CSMD1: variants seen among roughly 807,000 people sequenced by gnomAD.
The protein encoded by CSMD1 is CUB and Sushi multiple domains 1.
A neutral mutation model predicts 417.5 loss-of-function variants in CSMD1; 213 were observed. That is an observed-to-expected ratio of 0.51 (90% CI 0.46 to 0.57). The LOEUF (loss-of-function observed/expected upper bound fraction) is 0.57. Ranked by LOEUF, CSMD1 falls within the 20% of genes least tolerant of loss-of-function variation. CSMD1 has a pLI of 0.00. For missense variants in CSMD1, 6,923 were observed against 4,529.7 expected (o/e 1.53, Z -15.17); for synonymous variants, 2,862 against 1,736.8 (o/e 1.65, Z -16.11).
intron 3 of CSMD1, among the ~76,000 whole-genome samples, chr8:4,408,052 G>A (rs1274490797): frequency 6.6e-6 from 1 of 152,020 alleles, no homozygotes; most frequent in Non-Finnish European, 1.5e-5. Flanking sequence ...CCCAAATGTA[G>A]CTTTCCATTC....
rs751287479 is a variant in CSMD1 at position 4,279,794 on chromosome 8, GT to G, written c.415+140158del. On this transcript the variant is annotated intron_variant, in intron 3 of 69. Coordinates refer to ENST00000635120, the MANE Select transcript of CSMD1 (RefSeq NM_033225.6). ...GTAAGATATGGAGGAGGCCAGGAGT[GT>G]TGGATTATGTCTTTTTGATGATAAA... Among the ~76,000 whole-genome samples, 60 of 152,194 alleles carry G rather than the reference GT, an allele frequency of 3.9e-4. 1 individual carries two copies. Among genetic ancestry groups the G allele is most frequent in the Non-Finnish European group, 8.8e-5 (6 of 68,036 alleles).
intron 5 of CSMD1, among the ~76,000 whole-genome samples, chr8:3,822,922 CTGTT>C (rs1378398066): frequency 6.6e-6 from 1 of 152,074 alleles, no homozygotes; most frequent in East Asian, 1.9e-4. Flanking sequence ...TAAGTAAAGA[CTGTT>C]TGGTATTCTA....
intron 4 of CSMD1, among the ~76,000 whole-genome samples, chr8:4,028,866 T>C (rs979935517): frequency 2.0e-5 from 3 of 152,186 alleles, no homozygotes; most frequent in African/African-American, 7.2e-5. Flanking sequence ...AAAAGATAAA[T>C]TTTTCTTAGG....
At chr8:4,021,969 G>T (rs1363866749) in intron 4 of CSMD1, among the ~76,000 whole-genome samples, 1 of 151,810 alleles carries the variant, frequency 6.6e-6, no homozygotes. Flanking sequence ...TCAGTCAAGT[G>T]CTGCCTAGGA....
chr8:3,381,784 G>T (rs1010951103), intron 18 of CSMD1, among the ~76,000 whole-genome samples: 1 of 152,102 alleles, frequency 6.6e-6, no homozygotes, highest in African/African-American at 2.4e-5. Context: ...AAATCTCACT[G>T]CTCCCACGCT....
chr8:4,685,512 G>A (rs577808471), intron 1 of CSMD1, among the ~76,000 whole-genome samples: 7 of 152,024 alleles, frequency 4.6e-5, no homozygotes, highest in Admixed American at 3.3e-4. Context: ...GGAGGCGGAG[G>A]TTGCAGTGAG....
chr8:3,346,218 A>C (rs1416390249), intron 22 of CSMD1, among the ~76,000 whole-genome samples: 1 of 152,184 alleles, frequency 6.6e-6, no homozygotes, highest in Non-Finnish European at 1.5e-5. Context: ...TTTAAAAACA[A>C]CTTTTTGTTA....
intron 49 of CSMD1, among the ~76,000 whole-genome samples, chr8:3,080,535 C>T (rs986804296): frequency 2.6e-5 from 4 of 152,156 alleles, no homozygotes; most frequent in Admixed American, 6.5e-5. Flanking sequence ...GGTAGCGAAA[C>T]TTTTATTTGC....
intron 5 of CSMD1, among the ~76,000 whole-genome samples, chr8:3,935,965 T>C (rs1319566690): frequency 1.3e-5 from 2 of 152,184 alleles, no homozygotes; most frequent in African/African-American, 4.8e-5. Context: ...GGAAAAGTTC[T>C]TGAAATATAG....
intron 54 of CSMD1, among the ~76,000 whole-genome samples, chr8:2,991,191 C>G (rs1280261078): frequency 2.0e-5 from 3 of 152,164 alleles, no homozygotes; most frequent in Non-Finnish European, 4.4e-5. Flanking sequence ...TATGTAGAAA[C>G]TACATTAAGA....
chr8:4,431,115 A>T (rs947585432), intron 2 of CSMD1, among the ~76,000 whole-genome samples: 11 of 152,114 alleles, frequency 7.2e-5, no homozygotes, highest in Non-Finnish European at 5.9e-5. Flanking sequence ...AACAGACCAC[A>T]TGACTGTAGA....
At chr8:3,090,626 G>C (rs969516197) in intron 48 of CSMD1, among the ~76,000 whole-genome samples, 2 of 152,100 alleles carry the variant, frequency 1.3e-5, no homozygotes, top group African/African-American at 2.4e-5. Flanking sequence ...AGTCCCTAAA[G>C]ACGTAAAACA....
intron 5 of CSMD1, among the ~76,000 whole-genome samples, chr8:3,785,304 A>G (rs1204681625): frequency 6.6e-6 from 1 of 152,252 alleles, no homozygotes; most frequent in East Asian, 1.9e-4. Flanking sequence ...AAATGATGAA[A>G]CTTCAGGCTG....
intron 3 of CSMD1, among the ~76,000 whole-genome samples, chr8:4,070,427 G>A (rs972191802): frequency 5.3e-5 from 8 of 151,862 alleles, no homozygotes; most frequent in Admixed American, 2.6e-4. Flanking sequence ...GTGGGATCTC[G>A]GCTCACTGCA....
chr8:3,920,974 C>T (rs1283885557), intron 5 of CSMD1, among the ~76,000 whole-genome samples: 1 of 152,110 alleles, frequency 6.6e-6, no homozygotes, highest in Non-Finnish European at 1.5e-5. Context: ...GAGGGTACTG[C>T]TGGCCTCATA....
intron 3 of CSMD1, among the ~76,000 whole-genome samples, chr8:4,198,636 G>T (rs751197249): frequency 6.6e-6 from 1 of 152,112 alleles, no homozygotes; most frequent in Non-Finnish European, 1.5e-5. Context: ...GATGGATAAT[G>T]TCCCATTATC....
chr8:3,342,306 AT>A (rs1295624427), intron 23 of CSMD1, among the ~76,000 whole-genome samples: 2 of 152,134 alleles, frequency 1.3e-5, no homozygotes, highest in Non-Finnish European at 2.9e-5. Context: ...GATGATTATT[AT>A]CTTTTGCAGG....
At chr8:4,987,177 A>G (rs1375649165) in intron 1 of CSMD1, among the ~76,000 whole-genome samples, 2 of 152,116 alleles carry the variant, frequency 1.3e-5, no homozygotes, top group Non-Finnish European at 2.9e-5. Flanking sequence ...AAATAAATAG[A>G]TTTCTACCTC....
At chr8:4,077,748 A>C (rs908647752) in intron 3 of CSMD1, among the ~76,000 whole-genome samples, 5 of 152,176 alleles carry the variant, frequency 3.3e-5, no homozygotes, top group Non-Finnish European at 4.4e-5. Context: ...CTCTTGTCCC[A>C]ATGCTATTGC....
Sources: gnomAD v4.1 joint callset for allele counts (sites outside exome capture counted in the v4.1 genomes callset) on GRCh38, gnomAD v4.1.1 for gene constraint, MANE v1.5 for transcripts, NCBI Gene and HGNC (gene_info 2026-07-23, HGNC 2026-07-21) for gene names.